TLE1: variants seen among roughly 807,000 people sequenced by gnomAD.
The protein encoded by TLE1 is transducin-like enhancer protein 1.
A neutral mutation model predicts 89.8 loss-of-function variants in TLE1; 21 were observed. The observed-to-expected ratio is 0.23, with a 90% CI of 0.17 to 0.34. TLE1 has a LOEUF of 0.34. TLE1 is among the 10% of genes least tolerant of loss of function. TLE1 has a pLI of 1.00. For missense variants in TLE1, 795 were observed against 1,031.2 expected, an observed-to-expected ratio of 0.77 and a Z score of 3.14; for synonymous variants, 447 against 407.6, an observed-to-expected ratio of 1.10 and a Z score of -1.16.
intron 14 of TLE1, among the ~76,000 whole-genome samples, chr9:81,609,304 C>T (rs2132034221): frequency 6.6e-6 from 1 of 152,232 alleles, no homozygotes; most frequent in South Asian, 2.1e-4. Flanking sequence ...AGGCTGGTCT[C>T]GAACCCCCGA....
At chr9:81,616,264 A>ATGTT in intron 10 of TLE1, 130 bp from the exon 11 acceptor site, 1 of 1,124,112 alleles carries the variant, frequency 8.9e-7, no homozygotes, top group South Asian at 1.6e-5. Flanking sequence ...CAAGGTGACC[A>ATGTT]ACACCATGTT....
chr9:81,680,361 T>C (rs1177486950), intron 4 of TLE1, among the ~76,000 whole-genome samples: 1 of 152,182 alleles, frequency 6.6e-6, no homozygotes, highest in Non-Finnish European at 1.5e-5. Context: ...GGCCCTGCAA[T>C]GGCCTGACTC....
At chr9:81,612,418 G>C in intron 12 of TLE1, 1 of 933,452 alleles carries the variant, frequency 1.1e-6, no homozygotes, top group Non-Finnish European at 1.3e-6. Flanking sequence ...ACCAAAGCAC[G>C]GGTTTAGGAG....
intron 14 of TLE1, among the ~76,000 whole-genome samples, chr9:81,601,029 G>A (rs3897745): frequency 0.29 from 43,439 of 152,088 alleles, 7,254 homozygotes; most frequent in East Asian, 0.6. Flanking sequence ...AGTCGTGTGA[G>A]CCAATCCCTC....
intron 14 of TLE1, among the ~76,000 whole-genome samples, chr9:81,593,711 C>CTTTA (rs1237898537): frequency 4.6e-5 from 7 of 152,056 alleles, no homozygotes; most frequent in Non-Finnish European, 1.0e-4. Context: ...AATAATTAAA[C>CTTTA]AGAGTAGATA....
intron 13 of TLE1, among the ~76,000 whole-genome samples, chr9:81,611,471 G>A (rs1823698209): frequency 6.6e-6 from 1 of 152,238 alleles, no homozygotes; most frequent in Admixed American, 6.5e-5. Flanking sequence ...ACTTTGGTGG[G>A]AGAAAACCAG....
At chr9:81,645,036 G>A (rs11139356) in intron 6 of TLE1, among the ~76,000 whole-genome samples, 29,947 of 144,202 alleles carry the variant, frequency 0.21, 3,714 homozygotes, top group East Asian at 0.46. Flanking sequence ...TGAATTTCAT[G>A]GTGTATATAT....
At chr9:81,647,628 C>T (rs1177392200) in intron 6 of TLE1, among the ~76,000 whole-genome samples, 1 of 152,164 alleles carries the variant, frequency 6.6e-6, no homozygotes, top group East Asian at 1.9e-4. Flanking sequence ...GGAAACCAGG[C>T]AGACAAAACT....
chr9:81,643,010 A>G (rs894391507), intron 6 of TLE1, among the ~76,000 whole-genome samples: 2 of 152,182 alleles, frequency 1.3e-5, no homozygotes, highest in Non-Finnish European at 2.9e-5. Flanking sequence ...TCTCCTTTCT[A>G]TGTGGAATCT....
At chr9:81,669,612 T>C (rs1588196633) in intron 4 of TLE1, among the ~76,000 whole-genome samples, 1 of 147,424 alleles carries the variant, frequency 6.8e-6, no homozygotes, top group Admixed American at 6.8e-5. Context: ...ACCTCCACCC[T>C]CCCCCCCCAC....
chr9:81,613,393 G>A lies in TLE1; in HGVS notation c.1047C>T (p.Pro349=), dbSNP rs1295200305. 1.9e-6 allele frequency: 3 copies of A among 1,614,048 alleles called. No homozygotes were observed. The highest frequency in any genetic ancestry group is 2.5e-6 in the Non-Finnish European group (3 of 1,179,934). Residue 349 remains proline, a synonymous_variant, in exon 12 of 20, where the codon CCC becomes CCT. Coordinates refer to ENST00000376499, the MANE Select transcript of TLE1 (RefSeq NM_005077.5). Reference sequence around the variant, plus strand: ...ATGCTGTACCCGCTTGGTTAACGAGGGGGTCTATGGCTGGAGGCTTGCCGA... The same window carrying A: ...ATGCTGTACCCGCTTGGTTAACGAGAGGGTCTATGGCTGGAGGCTTGCCGA... ...PGLGKPPAID[P]LVNQAAAGLR... is the part of the protein sequence containing the mutation.
chr9:81,625,256 T>C (rs1825766604), intron 8 of TLE1, among the ~76,000 whole-genome samples: 1 of 152,216 alleles, frequency 6.6e-6, no homozygotes, highest in Non-Finnish European at 1.5e-5. Flanking sequence ...AATTGCTATT[T>C]ATTAATATAT....
rs1478714779 is a variant in TLE1, at chr9:81,685,824, G to T, written c.189+9C>A. ...TGAAAAAGGAAAAAGTCCAATCTTT[G>T]ATACCTACCATCACATAGTGCCTCT... On this transcript the variant is annotated intron_variant, in intron 3 of 19. Transcript: ENST00000376499. The T allele has an allele frequency of 1.7e-5, 28 of 1,613,886 alleles. No individual in the cohort carries two copies. The highest frequency in any genetic ancestry group is 2.1e-5 in the Non-Finnish European group (25 of 1,179,948).
intron 6 of TLE1, among the ~76,000 whole-genome samples, chr9:81,635,616 C>T (rs1827266853): frequency 6.6e-6 from 1 of 152,104 alleles, no homozygotes; most frequent in Admixed American, 6.6e-5. Flanking sequence ...GAAAATTCTC[C>T]AGATTCTGAT....
chr9:81,610,287 C>G lies in TLE1; in HGVS notation c.1264G>C (p.Asp422His). 2 of 1,613,880 alleles carry G rather than the reference C, an allele frequency of 1.2e-6. No homozygotes were observed. Among genetic ancestry groups the G allele is most frequent in the Non-Finnish European group, 1.7e-6 (2 of 1,179,950 alleles). Reference protein sequence around the residue: ...AYGRSPMVGFDPPPHMRVPTI... With the variant: ...AYGRSPMVGFHPPPHMRVPTI... The stretch of plus-strand genomic sequence containing the variant: ...GGTACTCTCATGTGAGGGGGAGGAT[C>G]AAACCCCACCTGGAAACAAAAATAA... Residue 422 changes from aspartate to histidine, a missense_variant, in exon 14 of 20, where the codon GAT (aspartate) becomes CAT (histidine). Transcript: ENST00000376499.
chr9:81,677,497 G>A lies in TLE1; in HGVS notation c.234+8179C>T, dbSNP rs113951327. Among the ~76,000 whole-genome samples the A allele has an allele frequency of 3.5e-3, 504 of 145,154 alleles. 2 individuals carry two copies. Among genetic ancestry groups the A allele is most frequent in the Non-Finnish European group, 5.3e-3 (347 of 66,058 alleles). ...GGAAAATGGTGTGAACCCGGGAGGC[G>A]GAGCTTGCAGTGAGCTGAGATCATG... is the stretch of plus-strand genomic sequence containing the variant. On this transcript the variant is annotated intron_variant, in intron 4 of 19. Transcript: ENST00000376499.
intron 4 of TLE1, among the ~76,000 whole-genome samples, chr9:81,660,853 T>G (rs975638293): frequency 2.0e-5 from 3 of 150,034 alleles, no homozygotes; most frequent in Admixed American, 2.0e-4. Context: ...TCCCAGCACT[T>G]TGGGAGGCCG....
At chr9:81,600,454 G>C (rs1218367283) in intron 14 of TLE1, among the ~76,000 whole-genome samples, 1 of 152,004 alleles carries the variant, frequency 6.6e-6, no homozygotes, top group Non-Finnish European at 1.5e-5. Context: ...GGTCACCCTG[G>C]AGATCCCCAT....
intron 6 of TLE1, among the ~76,000 whole-genome samples, chr9:81,640,412 T>A (rs1388680801): frequency 1.3e-5 from 2 of 148,514 alleles, no homozygotes; most frequent in Non-Finnish European, 3.0e-5. Flanking sequence ...AAAAAAAAAA[T>A]CCTTGTATTT....
Sources: gnomAD v4.1 joint callset for allele counts (sites outside exome capture counted in the v4.1 genomes callset) on GRCh38, gnomAD v4.1.1 for gene constraint, MANE v1.5 for transcripts, NCBI Gene and HGNC (gene_info 2026-07-23, HGNC 2026-07-21) for gene names.